EBF2: variants seen among roughly 807,000 people sequenced by gnomAD.
The protein encoded by EBF2 is EBF transcription factor 2.
Under a neutral mutation model 72.8 loss-of-function variants are expected in EBF2, and 21 were observed. That is an observed-to-expected ratio of 0.29 (90% CI 0.20 to 0.42). EBF2 has a LOEUF of 0.42. EBF2 is among the 10% of genes least tolerant of loss of function. The pLI is 1.00. For missense variants in EBF2, 637 were observed against 731.2 expected, an observed-to-expected ratio of 0.87 and a Z score of 1.49; for synonymous variants, 299 against 274.2, an observed-to-expected ratio of 1.09 and a Z score of -0.89.
rs1357232876 is a variant in EBF2 at position 25,844,580 on chromosome 8, G to T, written c.*29C>A. The T allele has an allele frequency of 1.9e-6, 3 of 1,613,362 alleles. No individual in the cohort carries two copies. Among genetic ancestry groups the T allele is most frequent in the South Asian group, 2.2e-5 (2 of 91,068 alleles). ...CATTATTGGTCCATCAGAGTAAGTA[G>T]TTTTGTGCTATAAGAAAGCAGTTCT... On this transcript the variant is annotated 3_prime_UTR_variant, in exon 16 of 16. Transcript: ENST00000520164.
At chr8:25,847,270 C>T (rs1402289883) in intron 15 of EBF2, among the ~76,000 whole-genome samples, 9 of 152,188 alleles carry the variant, frequency 5.9e-5, no homozygotes, top group East Asian at 1.9e-4. Context: ...AGCCTGCGAT[C>T]ACCCAGGCAC....
At chr8:26,043,031 C>A (rs1805631959) in intron 1 of EBF2, among the ~76,000 whole-genome samples, 1 of 152,378 alleles carries the variant, frequency 6.6e-6, no homozygotes, top group South Asian at 2.1e-4. Flanking sequence ...GCGAGAACCT[C>A]CTTTCCTGGG....
intron 6 of EBF2, among the ~76,000 whole-genome samples, chr8:26,009,641 G>A (rs937729996): frequency 1.3e-5 from 2 of 152,154 alleles, no homozygotes; most frequent in African/African-American, 2.4e-5. Context: ...GAGATTCTTG[G>A]CAAACGGCAT....
chr8:25,986,604 C>T (rs1365160291), intron 6 of EBF2, among the ~76,000 whole-genome samples: 3 of 152,098 alleles, frequency 2.0e-5, no homozygotes, highest in East Asian at 1.9e-4. Flanking sequence ...TTTATGTCAA[C>T]CTTTATTTTG....
At chr8:25,980,912 T>C (rs1183539834) in intron 6 of EBF2, among the ~76,000 whole-genome samples, 3 of 542 alleles carry the variant, frequency 5.5e-3, no homozygotes, top group Admixed American at 0.017. Flanking sequence ...GTGACCCCCT[T>C]CACCCCTGGA....
chr8:25,851,937 C>T (rs1488278155), intron 14 of EBF2, among the ~76,000 whole-genome samples: 1 of 152,184 alleles, frequency 6.6e-6, no homozygotes, highest in Non-Finnish European at 1.5e-5. Flanking sequence ...GGGCCACGTC[C>T]ACCCAATTGC....
At chr8:25,930,873 G>A (rs1420235813) in intron 6 of EBF2, among the ~76,000 whole-genome samples, 1 of 152,130 alleles carries the variant, frequency 6.6e-6, no homozygotes, top group African/African-American at 2.4e-5. Context: ...CAACACTGAG[G>A]ATTGGATTGA....
intron 7 of EBF2, among the ~76,000 whole-genome samples, chr8:25,896,982 C>T (rs969760827): frequency 5.3e-5 from 8 of 152,128 alleles, no homozygotes; most frequent in Admixed American, 2.6e-4. Flanking sequence ...AAACACCTAC[C>T]CCACAAGCAT....
At chr8:25,916,166 A>G (rs537871856) in intron 6 of EBF2, among the ~76,000 whole-genome samples, 1 of 151,864 alleles carries the variant, frequency 6.6e-6, no homozygotes, top group African/African-American at 2.4e-5. Context: ...CACACCTGTA[A>G]TCCTAGCGAC....
intron 14 of EBF2, among the ~76,000 whole-genome samples, chr8:25,856,296 C>T (rs1026273448): frequency 1.3e-5 from 2 of 152,060 alleles, no homozygotes; most frequent in African/African-American, 4.8e-5. Context: ...ATGAAATTGC[C>T]ACTTTTGTAG....
intron 6 of EBF2, among the ~76,000 whole-genome samples, chr8:26,008,640 G>T (rs1213733350): frequency 6.6e-6 from 1 of 152,098 alleles, no homozygotes; most frequent in Non-Finnish European, 1.5e-5. Flanking sequence ...CTTCCCATTT[G>T]ATTTTTTCCT....
At chr8:25,884,091 C>T (rs986160587) in intron 10 of EBF2, among the ~76,000 whole-genome samples, 1 of 152,158 alleles carries the variant, frequency 6.6e-6, no homozygotes, top group Non-Finnish European at 1.5e-5. Context: ...TCTTCCACGT[C>T]TTCCCATCCA....
chr8:25,884,360 A>G (rs1380160819), intron 10 of EBF2, among the ~76,000 whole-genome samples: 7 of 152,030 alleles, frequency 4.6e-5, no homozygotes, highest in African/African-American at 9.7e-5. Context: ...TGGAGGAGGG[A>G]ATGTGGATGG....
intron 6 of EBF2, among the ~76,000 whole-genome samples, chr8:25,941,031 T>A (rs116896375): frequency 0.045 from 6,872 of 152,220 alleles, 219 homozygotes; most frequent in Non-Finnish European, 0.07. Context: ...ATTATAAGGA[T>A]CCTTTTTATT....
intron 10 of EBF2, among the ~76,000 whole-genome samples, chr8:25,871,395 A>G (rs1802438062): frequency 6.6e-6 from 1 of 152,242 alleles, no homozygotes; most frequent in Admixed American, 6.5e-5. Context: ...GATACAGAGA[A>G]GTGCTGGCAA....
At chr8:25,959,752 A>G (rs980507529) in intron 6 of EBF2, among the ~76,000 whole-genome samples, 12 of 152,032 alleles carry the variant, frequency 7.9e-5, no homozygotes, top group African/African-American at 1.7e-4. Flanking sequence ...TCTGGGTTTC[A>G]TTGCCTAGAA....
chr8:25,852,996 A>G (rs1038605750), intron 14 of EBF2, among the ~76,000 whole-genome samples: 1 of 152,196 alleles, frequency 6.6e-6, no homozygotes, highest in Non-Finnish European at 1.5e-5. Context: ...TCAGAAACAG[A>G]CCTGGGTATA....
chr8:25,926,449 A>C (rs2117140335), intron 6 of EBF2, among the ~76,000 whole-genome samples: 1 of 152,322 alleles, frequency 6.6e-6, no homozygotes, highest in East Asian at 1.9e-4. Context: ...CAAGTCTCTA[A>C]GGAAATAGCT....
intron 6 of EBF2, among the ~76,000 whole-genome samples, chr8:25,931,572 T>C (rs974937053): frequency 3.3e-5 from 5 of 152,260 alleles, no homozygotes; most frequent in Non-Finnish European, 1.5e-5. Context: ...ACCTAGCTAA[T>C]ATTACCATCA....
Sources: gnomAD v4.1 joint callset for allele counts (sites outside exome capture counted in the v4.1 genomes callset) on GRCh38, gnomAD v4.1.1 for gene constraint, MANE v1.5 for transcripts, NCBI Gene and HGNC (gene_info 2026-07-23, HGNC 2026-07-21) for gene names.